EP300: variants seen among roughly 807,000 people sequenced by gnomAD.
The protein encoded by EP300 is EP300 lysine acetyltransferase, also known as histone acetyltransferase p300.
EP300 carries 31 observed loss-of-function variants against 264.0 expected under a neutral mutation model. That is an observed-to-expected ratio of 0.12 (90% CI 0.09 to 0.16). The LOEUF (loss-of-function observed/expected upper bound fraction) is 0.16, where lower values mean the gene tolerates loss of function less well. Among genes scored for constraint, EP300 ranks in the 10% least tolerant of loss-of-function variants. The pLI, the probability that EP300 is intolerant of heterozygous loss-of-function variation, is 1.00. For synonymous variants in EP300, 1,340 were observed against 1,045.4 expected (o/e 1.28, Z -5.44); for missense variants, 2,766 against 3,052.9 (o/e 0.91, Z 2.21).
rs2059051247 is a variant in EP300, at chr22:41,152,334, A to T, written c.3126A>T (p.Gly1042=). The T allele has an allele frequency of 6.2e-7, 1 of 1,613,692 alleles. No individual in the cohort carries two copies. Residue 1042 remains glycine (G), a synonymous_variant, in exon 16 of 31, where the codon GGA becomes GGT. Transcript: ENST00000263253. ...TSATQSSPAP[G]QSKKKIFKPE... is the part of the protein sequence containing the mutation. ...CTACCCAGTCATCTCCGGCTCCAGG[A>T]CAGTCAAAGAAAAAGAGTGAGTCTC...
chr22:41,152,838 A>G (rs942768718), intron 16 of EP300, among the ~76,000 whole-genome samples: 7 of 151,614 alleles, frequency 4.6e-5, no homozygotes, highest in East Asian at 1.9e-4. Context: ...GCTCACTGCA[A>G]CCTCCACCTC....
intron 10 of EP300, among the ~76,000 whole-genome samples, chr22:41,145,928 T>A (rs972968955): frequency 2.6e-5 from 4 of 151,996 alleles, no homozygotes; most frequent in Non-Finnish European, 5.9e-5. Flanking sequence ...TTTATTTTTT[T>A]AAGAATTATT....
At position 41,154,880 on chromosome 22, in the gene EP300, G is replaced by C. The variant is rs1459192288; in HGVS notation, c.3143-115G>C. ...GTAGTGATATTTCCATGGGGACAGA[G>C]TGGTTAATTTTGTTATTGATTCTTG... On this transcript the variant is annotated intron_variant, in intron 16 of 30. Coordinates refer to ENST00000263253, the MANE Select transcript of EP300 (RefSeq NM_001429.4). The C allele has an allele frequency of 4.0e-6, 3 of 749,152 alleles. No individual in the cohort carries two copies. The Admixed American group carries it at 5.9e-5, about 15-fold the overall frequency. The allele number at this position is 749,152 out of a possible 1,614,324, so 46.4% of individuals were successfully genotyped here.
chr22:41,102,847 G>T (rs1308515857), intron 1 of EP300, among the ~76,000 whole-genome samples: 5 of 152,060 alleles, frequency 3.3e-5, no homozygotes, highest in Non-Finnish European at 1.5e-5. Context: ...GTTGGGTGAT[G>T]ATTTATTTAT....
At chr22:41,104,787 A>T (rs1225414929) in intron 1 of EP300, among the ~76,000 whole-genome samples, 1 of 152,004 alleles carries the variant, frequency 6.6e-6, no homozygotes, top group African/African-American at 2.4e-5. Context: ...TGGGAGGCTG[A>T]GGCAGGTGGA....
chr22:41,127,423 C>T lies in EP300; in HGVS notation c.907-64C>T, dbSNP rs2058889335. 12 of 1,594,998 alleles carry T rather than the reference C, an allele frequency of 7.5e-6. No homozygotes were observed. In the East Asian group the frequency reaches 2.0e-4, roughly 27 times the overall value. On this transcript the variant is annotated intron_variant, in intron 3 of 30. Coordinates refer to ENST00000263253, the MANE Select transcript of EP300 (RefSeq NM_001429.4). ...AGGTTTTCATTGAAAATATCCACAT[C>T]TCTATTTATTAAGAAATAGCACATT...
chr22:41,157,344 C>G lies in EP300; in HGVS notation c.3437C>G (p.Ser1146Cys), dbSNP rs2145747704. ...GTATACAAATACTGCTCCAAGCTCT[C>G]TGAGGTCTTTGAACAAGAAATTGAC... is the stretch of plus-strand genomic sequence containing the variant. ...SRVYKYCSKL[S>C]EVFEQEIDPV... is the part of the protein sequence containing the mutation. Residue 1146 changes from serine to cysteine, a missense_variant, in exon 18 of 31, where the codon TCT (serine) becomes TGT (cysteine). Transcript: ENST00000263253. The G allele has an allele frequency of 6.2e-7, 1 of 1,614,058 alleles. No individual in the cohort carries two copies. Among genetic ancestry groups the G allele is most frequent in the Middle Eastern group, 1.6e-4 (1 of 6,062 alleles).
intron 22 of EP300, among the ~76,000 whole-genome samples, chr22:41,165,541 A>G (rs866159492): frequency 3.9e-5 from 6 of 152,116 alleles, no homozygotes; most frequent in Middle Eastern, 3.4e-3. Context: ...CTCCTGCCTC[A>G]GCCTCCCTAG....
chr22:41,171,653 T>C (rs1407950505), intron 27 of EP300, among the ~76,000 whole-genome samples: 1 of 132,966 alleles, frequency 7.5e-6, no homozygotes, highest in South Asian at 2.2e-4. Context: ...ATATTCTCCC[T>C]TTTTTTTTTT....
chr22:41,160,811 C>A, intron 20 of EP300, 89 bp downstream of exon 20: 2 of 1,235,524 alleles, frequency 1.6e-6, no homozygotes, highest in Non-Finnish European at 2.4e-6. Context: ...TTAAGCTATG[C>A]TGTTGAATAT....
intron 29 of EP300, among the ~76,000 whole-genome samples, chr22:41,175,755 T>C (rs1601638651): frequency 6.6e-6 from 1 of 152,246 alleles, no homozygotes; most frequent in Admixed American, 6.5e-5. Context: ...CATGGTGCTA[T>C]ACCTCACCCA....
At position 41,177,617 on chromosome 22, in the gene EP300, C is replaced by T. The variant is rs1177814170; in HGVS notation, c.5906C>T (p.Pro1969Leu). 2 of 1,614,006 alleles carry T rather than the reference C, an allele frequency of 1.2e-6. No homozygotes were observed. The highest frequency in any genetic ancestry group is 1.7e-6 in the Non-Finnish European group (2 of 1,180,030). Residue 1969 changes from proline to leucine, a missense_variant, in exon 31 of 31, where the codon CCA (proline) becomes CTA (leucine). Physicochemically the swap from Pro to Leu is moderately conservative, Grantham distance 98. Coordinates refer to ENST00000263253, the MANE Select transcript of EP300 (RefSeq NM_001429.4). ...CCCATGGCCCCCATGGGTATGAACC[C>T]ACCTCCCATGACCAGAGGTCCCAGT... ...MTPMAPMGMN[P>L]PPMTRGPSGH...
chr22:41,150,529 T>G (rs984091396), intron 14 of EP300, among the ~76,000 whole-genome samples: 1 of 152,068 alleles, frequency 6.6e-6, no homozygotes, highest in Non-Finnish European at 1.5e-5. Flanking sequence ...GCACATAAAT[T>G]TTACATATAT....
At chr22:41,150,746 C>T (rs984143755) in intron 14 of EP300, among the ~76,000 whole-genome samples, 3 of 151,900 alleles carry the variant, frequency 2.0e-5, no homozygotes, top group Non-Finnish European at 2.9e-5. Flanking sequence ...CAAAAATTAG[C>T]CAGACATGGT....
At chr22:41,156,594 G>T (rs950289033) in intron 17 of EP300, among the ~76,000 whole-genome samples, 1 of 152,192 alleles carries the variant, frequency 6.6e-6, no homozygotes. Flanking sequence ...GGTGGTGCAC[G>T]CCTGTAATCC....
rs181020300 is a variant in EP300, at chr22:41,116,291, T to C, written c.95-896T>C. 1.1e-3 allele frequency among the ~76,000 whole-genome samples: 175 copies of C among 152,276 alleles called. 1 individual carries two copies. The highest frequency in any genetic ancestry group is 6.4e-3 in the East Asian group (33 of 5,180). ...TGCAGGTTTGTTACATAGGTATACA[T>C]GTGCCATGGTGGTTTGCCGCACCCA... is the stretch of plus-strand genomic sequence containing the variant. On this transcript the variant is annotated intron_variant, in intron 1 of 30. Coordinates refer to ENST00000263253, the MANE Select transcript of EP300 (RefSeq NM_001429.4).
rs2145517391 is a variant in EP300 at position 41,177,444 on chromosome 22, T to C, written c.5733T>C (p.Pro1911=). 6.2e-7 allele frequency: 1 copy of C among 1,613,992 alleles called. No individual in the cohort carries two copies. Among genetic ancestry groups the C allele is most frequent in the Non-Finnish European group, 8.5e-7 (1 of 1,180,012 alleles). ...GCCAGGTGACCCCTCCAACCCCTCC[T>C]CAGACTGCTCAGCCACCCCTTCCAG... ...AAGQVTPPTP[P]QTAQPPLPGP... is the part of the protein sequence containing the mutation. Residue 1911 remains proline, a synonymous_variant, in exon 31 of 31, where the codon CCT becomes CCC. Coordinates refer to ENST00000263253, the MANE Select transcript of EP300 (RefSeq NM_001429.4).
intron 2 of EP300, among the ~76,000 whole-genome samples, chr22:41,124,209 C>T (rs11090041): frequency 0.041 from 6,264 of 152,328 alleles, 431 homozygotes; most frequent in East Asian, 0.21. Flanking sequence ...TGCACCACTG[C>T]GCCCCAGCCT....
chr22:41,178,292 A>G lies in EP300; in HGVS notation c.6581A>G (p.Gln2194Arg), dbSNP rs2059215356. The G allele has an allele frequency of 6.2e-7, 1 of 1,614,138 alleles. No individual in the cohort carries two copies. Among genetic ancestry groups the G allele is most frequent in the Non-Finnish European group, 8.5e-7 (1 of 1,179,998 alleles). ...RRQQMMQQQQ[Q>R]QGAGPGIGPG... ...CAGCAAATGATGCAACAGCAGCAGC[A>G]ACAGGGAGCAGGGCCAGGAATAGGC... is the stretch of plus-strand genomic sequence containing the variant. Residue 2194 changes from glutamine (Q) to arginine (R), a missense_variant, in exon 31 of 31, where the codon CAA becomes CGA. Gln to Arg is a conservative substitution (Grantham distance 43, BLOSUM62 1). Coordinates refer to ENST00000263253, the MANE Select transcript of EP300 (RefSeq NM_001429.4).
Sources: gnomAD v4.1 joint callset for allele counts (sites outside exome capture counted in the v4.1 genomes callset) on GRCh38, gnomAD v4.1.1 for gene constraint, MANE v1.5 for transcripts, NCBI Gene and HGNC (gene_info 2026-07-23, HGNC 2026-07-21) for gene names.